The following CEP126 variants were observed in gnomAD, a reference collection of about 807,000 sequenced individuals.
CEP126 encodes the protein centrosomal protein 126, also known as centrosomal protein of 126 kDa.
A neutral mutation model predicts 107.8 loss-of-function variants in CEP126; 74 were observed. That is an observed-to-expected ratio of 0.69 (90% CI 0.57 to 0.83). The LOEUF is 0.83. Ranked by LOEUF, CEP126 falls within the 40% of genes least tolerant of loss-of-function variation. CEP126 has a pLI of 0.00. For synonymous variants in CEP126, 449 were observed against 446.0 expected, an observed-to-expected ratio of 1.01 and a Z score of -0.08; for missense variants, 1,237 against 1,281.9, an observed-to-expected ratio of 0.96 and a Z score of 0.53.
At position 101,915,119 on chromosome 11, in the gene CEP126, G is replaced by GT; in HGVS notation, c.-165dup. ...GCTGCCATCGCCGCTACAGGCACCA[G>GT]TGCCGCTGCGCGGGAGCTAGGGCTG... On this transcript the variant is annotated 5_prime_UTR_variant, in exon 1 of 11. It removes the in-frame stop codon of an upstream open reading frame in the 5' UTR. Transcript: ENST00000263468. 2.8e-6 allele frequency: 3 copies of GT among 1,056,040 alleles called. No individual in the cohort carries two copies. The highest frequency in any genetic ancestry group is 4.0e-6 in the Non-Finnish European group (3 of 752,178). 65.4% of individuals were successfully genotyped at this position (1,056,040 alleles called of 1,614,324 possible). A position where few individuals can be genotyped will look rare whatever the true frequency, so the allele number is the denominator to read the frequency against.
At position 101,999,707 on chromosome 11, in the gene CEP126, A is replaced by C. The variant is rs923582964; in HGVS notation, c.*2064A>C. 1.3e-5 allele frequency: 2 copies of C among 152,164 alleles called. No homozygotes were observed. Among genetic ancestry groups the C allele is most frequent in the East Asian group, 3.9e-4 (2 of 5,194 alleles). The allele number at this position is 152,164 out of a possible 1,614,324, so 9.4% of individuals were successfully genotyped here. On this transcript the variant is annotated 3_prime_UTR_variant, in exon 11 of 11. Coordinates refer to ENST00000263468, the MANE Select transcript of CEP126 (RefSeq NM_020802.4). ...TGGGAAGACATAAAGAGCCTTTGTG[A>C]ATTAAAGTGGAAGAGAATAACACTT... is the stretch of plus-strand genomic sequence containing the variant.
rs187204083 is a variant in CEP126 at position 101,945,489 on chromosome 11, C to G, written c.394+1079C>G. ...ACAGTTTTTTTAACAAGAAAGCAAG[C>G]CATTGCTGTGTTAGTAATAAATATT... is the stretch of plus-strand genomic sequence containing the variant. On this transcript the variant is annotated intron_variant, in intron 3 of 10. Transcript: ENST00000263468. Among the ~76,000 whole-genome samples the G allele has an allele frequency of 1.7e-4, 26 of 152,224 alleles. No homozygotes were observed. In the East Asian group the frequency reaches 3.5e-3, roughly 20 times the overall value.
At chr11:101,975,229 C>T (rs992322007) in intron 6 of CEP126, among the ~76,000 whole-genome samples, 6 of 151,976 alleles carry the variant, frequency 3.9e-5, no homozygotes, top group Admixed American at 6.6e-5. Context: ...GGACATGACT[C>T]GTTCGTCAAT....
chr11:101,919,249 A>C (rs1308000807), intron 1 of CEP126, among the ~76,000 whole-genome samples: 1 of 152,188 alleles, frequency 6.6e-6, no homozygotes, highest in African/African-American at 2.4e-5. Flanking sequence ...TAGAGGAAAA[A>C]TCGAATCAAC....
chr11:101,959,372 C>A (rs941931202), intron 5 of CEP126, among the ~76,000 whole-genome samples: 4 of 152,050 alleles, frequency 2.6e-5, no homozygotes, highest in Non-Finnish European at 5.9e-5. Context: ...GCCAGATGGT[C>A]TCCATCTCTT....
chr11:101,927,928 G>A lies in CEP126; in HGVS notation c.248+5168G>A, dbSNP rs561140677. ...TGGGATAAGTGACCATGAGTACTCTGGTTAGGTCATATGGTAGTTGCCCAT... is the reference window on the plus strand; with the variant it reads ...TGGGATAAGTGACCATGAGTACTCTAGTTAGGTCATATGGTAGTTGCCCAT... On this transcript the variant is annotated intron_variant, in intron 2 of 10. Transcript: ENST00000263468. Among the ~76,000 whole-genome samples the A allele has an allele frequency of 7.2e-5, 11 of 152,224 alleles. No homozygotes were observed. The South Asian group carries it at 2.1e-3, about 29-fold the overall frequency.
At chr11:101,982,030 A>G (rs957706650) in intron 8 of CEP126, 66 bp downstream of exon 8, 10 of 822,134 alleles carry the variant, frequency 1.2e-5, no homozygotes, top group Non-Finnish European at 2.0e-5. Flanking sequence ...TTGTATGCCT[A>G]TTCTCAGATG....
At position 101,963,438 on chromosome 11, in the gene CEP126, T is replaced by A. The variant is rs1019837335; in HGVS notation, c.2403T>A (p.Cys801Ter). The stretch of plus-strand genomic sequence containing the variant: ...CTCAGGGAAAATTAATTATACCTTG[T>A]CCTCCTCCTCAATCTACATCAAATA... ...TQAQGKLIIPCPPPQSTSNIR... is the reference protein window; with the variant it reads ...TQAQGKLIIP The change falls in exon 6 of 11, where the codon TGT (cysteine) becomes TGA (stop). Residue 801 changes from cysteine (C) to a stop codon, truncating the protein, a stop_gained. Transcript: ENST00000263468. LOFTEE classifies it high-confidence loss of function. The A allele has an allele frequency of 6.2e-7, 1 of 1,614,082 alleles. No homozygotes were observed. The highest frequency in any genetic ancestry group is 8.5e-7 in the Non-Finnish European group (1 of 1,179,986).
Position 101,966,097 on chromosome 11 carries a change from C to G in CEP126, c.2845+2217C>G, listed in dbSNP as rs1477763981. On this transcript the variant is annotated intron_variant, in intron 6 of 10. Coordinates refer to ENST00000263468, the MANE Select transcript of CEP126 (RefSeq NM_020802.4). ...ATTTAGTCAAAGGAGGTAGTTCTCT[C>G]TGGGACATTCGTATAAGGGACATTG... Among the ~76,000 whole-genome samples the G allele has an allele frequency of 2.6e-5, 4 of 152,078 alleles. No individual in the cohort carries two copies. The East Asian group carries it at 7.7e-4, about 29-fold the overall frequency.
At chr11:101,969,992 T>C (rs1470814976) in intron 6 of CEP126, among the ~76,000 whole-genome samples, 2 of 152,148 alleles carry the variant, frequency 1.3e-5, no homozygotes, top group Non-Finnish European at 2.9e-5. Context: ...GGTAATACAT[T>C]TATAATTTAG....
chr11:101,933,806 C>T (rs547285492), intron 2 of CEP126, among the ~76,000 whole-genome samples: 3 of 146,136 alleles, frequency 2.1e-5, no homozygotes, highest in African/African-American at 7.6e-5. Flanking sequence ...AAAACTTTCA[C>T]CCCCGAGACC....
intron 4 of CEP126, among the ~76,000 whole-genome samples, chr11:101,954,705 T>A (rs986587722): frequency 1.3e-4 from 19 of 151,996 alleles, no homozygotes; most frequent in African/African-American, 4.1e-4. Context: ...CAATGTATAG[T>A]GAGAACACTA....
intron 8 of CEP126, among the ~76,000 whole-genome samples, chr11:101,982,333 T>C (rs530182076): frequency 4.1e-4 from 62 of 152,290 alleles, no homozygotes; most frequent in Non-Finnish European, 7.1e-4. Flanking sequence ...TTCATATATA[T>C]TGCTAAAGTA....
In CEP126 at chr11:101,963,681, G is replaced by T. The variant is rs1219368057; in HGVS notation, c.2646G>T (p.Glu882Asp). Residue 882 changes from glutamate (E) to aspartate (D), a missense_variant, in exon 6 of 11, where the codon GAG becomes GAT. Transcript: ENST00000263468. ...CACTGCCATCATATTGTTCTTCAGA[G>T]TGCCAAACTTTCGCAAAAATAAATC... ...IPSLPSYCSS[E>D]CQTFAKINHS... The T allele has an allele frequency of 1.2e-6, 2 of 1,614,084 alleles. No homozygotes were observed. The highest frequency in any genetic ancestry group is 1.1e-5 in the South Asian group (1 of 91,072).
chr11:101,978,080 T>C (rs1247559682), intron 6 of CEP126, among the ~76,000 whole-genome samples: 2 of 152,350 alleles, frequency 1.3e-5, no homozygotes, highest in South Asian at 2.1e-4. Flanking sequence ...TGGATTATCT[T>C]ACACAATCTT....
intron 6 of CEP126, among the ~76,000 whole-genome samples, chr11:101,977,565 A>G (rs1344408611): frequency 1.4e-5 from 2 of 142,098 alleles, no homozygotes; most frequent in South Asian, 4.8e-4. Flanking sequence ...CGGGAGGCAG[A>G]GGTTGCAGTG....
chr11:101,975,297 G>A (rs1186118262), intron 6 of CEP126, among the ~76,000 whole-genome samples: 1 of 152,118 alleles, frequency 6.6e-6, no homozygotes, highest in Non-Finnish European at 1.5e-5. Flanking sequence ...TTTAGAATTA[G>A]AATATTCTAG....
rs559654686 is a variant in CEP126 at position 101,916,679 on chromosome 11, C to T, written c.128+1267C>T. Reference sequence around the variant, plus strand: ...TTTCTTGGACACAACTGCTATTACACGACCCTGATTTATCTCTAAATCAGA... The same window carrying T: ...TTTCTTGGACACAACTGCTATTACATGACCCTGATTTATCTCTAAATCAGA... On this transcript the variant is annotated intron_variant, in intron 1 of 10. Coordinates refer to ENST00000263468, the MANE Select transcript of CEP126 (RefSeq NM_020802.4). Among the ~76,000 whole-genome samples, 5 of 152,246 alleles carry T rather than the reference C, an allele frequency of 3.3e-5. No homozygotes were observed. In the East Asian group the frequency reaches 5.8e-4, roughly 18 times the overall value.
At position 101,915,178 on chromosome 11, in the gene CEP126, G is replaced by A; in HGVS notation, c.-107G>A. Reference sequence around the variant, plus strand: ...AACCCTTCCGCGCCCGTGACGCGGGGCCTGAGAGACGGAGTGTAGGGAGGG... The same window carrying A: ...AACCCTTCCGCGCCCGTGACGCGGGACCTGAGAGACGGAGTGTAGGGAGGG... On this transcript the variant is annotated 5_prime_UTR_variant, in exon 1 of 11. Transcript: ENST00000263468. 13 of 1,517,268 alleles carry A rather than the reference G, an allele frequency of 8.6e-6. No homozygotes were observed. Among genetic ancestry groups the A allele is most frequent in the Non-Finnish European group, 1.2e-5 (13 of 1,119,382 alleles). 94.0% of individuals were successfully genotyped at this position (1,517,268 alleles called of 1,614,324 possible). A position where few individuals can be genotyped will look rare whatever the true frequency, so the allele number is the denominator to read the frequency against.
Sources: allele counts gnomAD v4.1 joint callset (sites outside exome capture counted in the v4.1 genomes callset), GRCh38; gene constraint gnomAD v4.1.1; transcripts MANE v1.5; gene names NCBI Gene and HGNC (gene_info 2026-07-23, HGNC 2026-07-21).